Variants in GALNT10 observed in about 807,000 individuals in gnomAD.
GALNT10 encodes polypeptide N-acetylgalactosaminyltransferase 10, also known as GalNAc transferase 10.
A neutral mutation model predicts 75.0 loss-of-function variants in GALNT10; 41 were observed. The observed-to-expected ratio is 0.55, with a 90% CI of 0.43 to 0.71. GALNT10 has a LOEUF of 0.71. GALNT10 is among the 30% of genes least tolerant of loss of function. The pLI is 0.00. For missense variants in GALNT10, 727 were observed against 818.5 expected (o/e 0.89, Z 1.36); for synonymous variants, 302 against 313.0 (o/e 0.96, Z 0.37).
chr5:154,291,957 GC>G (rs1754200717), intron 1 of GALNT10, among the ~76,000 whole-genome samples: 1 of 152,168 alleles, frequency 6.6e-6, no homozygotes, highest in Non-Finnish European at 1.5e-5. Flanking sequence ...CCCAGTACTG[GC>G]ATGTCTTTTA....
chr5:154,323,382 A>T (rs1754705325), intron 3 of GALNT10, among the ~76,000 whole-genome samples: 2 of 152,186 alleles, frequency 1.3e-5, no homozygotes, highest in African/African-American at 2.4e-5. Flanking sequence ...AAAAAAAAAA[A>T]AATGTAAAAG....
At chr5:154,373,584 G>A (rs1001420708) in intron 4 of GALNT10, among the ~76,000 whole-genome samples, 19 of 152,116 alleles carry the variant, frequency 1.2e-4, no homozygotes, top group African/African-American at 3.6e-4. Flanking sequence ...AGGGAGCTTC[G>A]CATGCAAGCA....
chr5:154,223,297 T>C (rs1990949), intron 1 of GALNT10, among the ~76,000 whole-genome samples: 124,875 of 152,132 alleles, frequency 0.82, 51,588 homozygotes, highest in East Asian at 0.93. Context: ...GTAGATTGTC[T>C]TAATTTGGCA....
At chr5:154,318,272 G>A (rs6872824) in intron 3 of GALNT10, among the ~76,000 whole-genome samples, 2,466 of 152,306 alleles carry the variant, frequency 0.016, 65 homozygotes, top group African/African-American at 0.054. Context: ...CTGAGGTCCA[G>A]CTGGGACCTC....
intron 1 of GALNT10, among the ~76,000 whole-genome samples, chr5:154,264,871 C>T (rs1301357010): frequency 6.6e-6 from 1 of 152,200 alleles, no homozygotes; most frequent in Non-Finnish European, 1.5e-5. Flanking sequence ...CTGAAATCTA[C>T]AGCCCAATAC....
chr5:154,418,026 A>G lies in GALNT10; in HGVS notation c.*1054A>G, dbSNP rs895288803. On this transcript the variant is annotated 3_prime_UTR_variant, in exon 12 of 12. Coordinates refer to ENST00000297107, the MANE Select transcript of GALNT10 (RefSeq NM_198321.4). ...TCCAGAATTTTTAAAGAACTCTATA[A>G]TTGGATTGCAAACTAGGATGCTACA... 1.3e-5 allele frequency: 2 copies of G among 152,186 alleles called. No individual in the cohort carries two copies. The highest frequency in any genetic ancestry group is 4.8e-5 in the African/African-American group (2 of 41,440). The allele number at this position is 152,186 out of a possible 1,614,324, so 9.4% of individuals were successfully genotyped here.
At chr5:154,282,340 A>T (rs1581954265) in intron 1 of GALNT10, among the ~76,000 whole-genome samples, 1 of 152,364 alleles carries the variant, frequency 6.6e-6, no homozygotes, top group East Asian at 1.9e-4. Context: ...TTTGGGGATC[A>T]TGCTCAAACC....
Position 154,418,680 on chromosome 5 carries a change from A to G in GALNT10, c.*1708A>G, listed in dbSNP as rs1030163568. ...GGGGAGGGAGGGACAAACACTCCCAATCATCCACCAGTCAGACTGAATGTG... is the reference window on the plus strand; with the variant it reads ...GGGGAGGGAGGGACAAACACTCCCAGTCATCCACCAGTCAGACTGAATGTG... On this transcript the variant is annotated 3_prime_UTR_variant, in exon 12 of 12. Transcript: ENST00000297107. 3 of 152,190 alleles carry G rather than the reference A, an allele frequency of 2.0e-5. No homozygotes were observed. Among genetic ancestry groups the G allele is most frequent in the Non-Finnish European group, 2.9e-5 (2 of 68,022 alleles). The allele number at this position is 152,190 out of a possible 1,614,324, so 9.4% of individuals were successfully genotyped here.
intron 4 of GALNT10, among the ~76,000 whole-genome samples, chr5:154,346,132 G>A (rs981325581): frequency 2.3e-5 from 2 of 88,404 alleles, no homozygotes; most frequent in African/African-American, 3.4e-5. Context: ...AATAATATTC[G>A]TGTGTGCGTG....
intron 1 of GALNT10, among the ~76,000 whole-genome samples, chr5:154,207,329 C>A (rs1024239896): frequency 6.6e-6 from 1 of 152,174 alleles, no homozygotes; most frequent in South Asian, 2.1e-4. Flanking sequence ...CGAGAGCTGT[C>A]CTGGGAGCAC....
At chr5:154,193,610 T>C (rs1340149363) in intron 1 of GALNT10, among the ~76,000 whole-genome samples, 1 of 152,256 alleles carries the variant, frequency 6.6e-6, no homozygotes, top group East Asian at 1.9e-4. Context: ...CGTTGATCCT[T>C]CTGGTAGAAA....
At chr5:154,228,310 G>C (rs919678571) in intron 1 of GALNT10, among the ~76,000 whole-genome samples, 2 of 152,120 alleles carry the variant, frequency 1.3e-5, no homozygotes, top group African/African-American at 4.8e-5. Flanking sequence ...AGTTGTTCTG[G>C]TATCATTGGT....
intron 1 of GALNT10, among the ~76,000 whole-genome samples, chr5:154,211,744 T>C (rs955536312): frequency 2.0e-5 from 3 of 152,162 alleles, no homozygotes; most frequent in Non-Finnish European, 4.4e-5. Flanking sequence ...ACTTCCAAGA[T>C]GGCTCACTCC....
rs1345354789 is a variant in GALNT10 at position 154,412,061 on chromosome 5, CATCCATGGGTGGACACAGTG to C, written c.1387-827_1387-808del. ...TCTGCCTCACCCATTGGCTGGGATC[CATCCATGGGTGGACACAGTG>C]GTGGATTCAGAATACAGGATCTGGG... On this transcript the variant is annotated intron_variant, in intron 9 of 11. Coordinates refer to ENST00000297107, the MANE Select transcript of GALNT10 (RefSeq NM_198321.4). The surrounding 1 kb of genome is among the most constrained non-coding windows in gnomAD (Gnocchi z 4.2). Among the ~76,000 whole-genome samples the C allele has an allele frequency of 6.6e-6, 1 of 152,202 alleles. No homozygotes were observed. The highest frequency in any genetic ancestry group is 1.5e-5 in the Non-Finnish European group (1 of 68,026).
intron 1 of GALNT10, among the ~76,000 whole-genome samples, chr5:154,254,954 C>T (rs542675138): frequency 1.6e-4 from 25 of 152,172 alleles, no homozygotes; most frequent in South Asian, 6.2e-4. Context: ...TGTAAGATTC[C>T]TGTAGGAGCT....
chr5:154,210,348 ACAGG>A (rs1236033265), intron 1 of GALNT10, among the ~76,000 whole-genome samples: 1 of 151,824 alleles, frequency 6.6e-6, no homozygotes, highest in African/African-American at 2.4e-5. Context: ...GTGCATGCAC[ACAGG>A]CACACATGCA....
At chr5:154,335,695 G>C (rs878881681) in intron 4 of GALNT10, among the ~76,000 whole-genome samples, 2 of 152,134 alleles carry the variant, frequency 1.3e-5, no homozygotes, top group African/African-American at 2.4e-5. Context: ...TAAGTAAAAA[G>C]TAGGTAGGTC....
chr5:154,379,033 C>T (rs1010467024), intron 5 of GALNT10, among the ~76,000 whole-genome samples: 1 of 148,114 alleles, frequency 6.8e-6, no homozygotes, highest in East Asian at 2.0e-4. Context: ...GGGCCTGGGT[C>T]GGGGGCGGGC....
chr5:154,369,024 C>T (rs1157038234), intron 4 of GALNT10, among the ~76,000 whole-genome samples: 1 of 152,312 alleles, frequency 6.6e-6, no homozygotes, highest in Non-Finnish European at 1.5e-5. Flanking sequence ...CACAAAACTT[C>T]TATGAGACTC....
Sources: gnomAD v4.1 joint callset for allele counts (sites outside exome capture counted in the v4.1 genomes callset) on GRCh38, gnomAD v4.1.1 for gene constraint, Gnocchi (gnomAD v3.1) non-coding constraint, MANE v1.5 for transcripts, NCBI Gene and HGNC (gene_info 2026-07-23, HGNC 2026-07-21) for gene names.